NDUFA9: variants seen among roughly 807,000 people sequenced by gnomAD.
NDUFA9 encodes the protein NADH dehydrogenase [ubiquinone] 1 alpha subcomplex subunit 9, mitochondrial.
Under a neutral mutation model 45.9 loss-of-function variants are expected in NDUFA9, and 23 were observed. That is an observed-to-expected ratio of 0.50 (90% CI 0.36 to 0.71). The LOEUF (loss-of-function observed/expected upper bound fraction) is 0.71, where lower values mean the gene tolerates loss of function less well. Among genes scored for constraint, NDUFA9 ranks in the 30% least tolerant of loss-of-function variants. The pLI is 0.00. For synonymous variants in NDUFA9, 176 were observed against 170.5 expected (o/e 1.03, Z -0.25); for missense variants, 466 against 488.2 (o/e 0.95, Z 0.43).
rs779730924 is a variant in NDUFA9, at chr12:4,686,977, T to C, written c.1003T>C (p.Leu335=). 6.2e-7 allele frequency: 1 copy of C among 1,614,174 alleles called. No individual in the cohort carries two copies. The highest frequency in any genetic ancestry group is 1.1e-5 in the South Asian group (1 of 91,062). The change falls in exon 11 of 11, where the codon TTA becomes CTA. Residue 335 remains leucine (L), a synonymous_variant. Coordinates refer to ENST00000266544, the MANE Select transcript of NDUFA9 (RefSeq NM_005002.5). ...TDMKLPHLPG[L]EDLGIQATPL... ...CATGAAATTGCCTCACCTGCCTGGC[T>C]TAGAAGACCTTGGTATTCAGGCAAC...
At chr12:4,653,321 C>G (rs1945770238) in intron 1 of NDUFA9, among the ~76,000 whole-genome samples, 1 of 152,200 alleles carries the variant, frequency 6.6e-6, no homozygotes, top group South Asian at 2.1e-4. Flanking sequence ...TCTGGAGGAA[C>G]ACAGGGATAA....
In NDUFA9 at chr12:4,687,074, A is replaced by G. The variant is rs143250080; in HGVS notation, c.1100A>G (p.Glu367Gly). The change falls in exon 11 of 11, where the codon GAG becomes GGG. Residue 367 changes from glutamate to glycine, a missense_variant. Glu to Gly is a moderately conservative substitution (Grantham distance 98). Transcript: ENST00000266544. ...TACCGCTGGCTGTCTGCTGAAATTGAGGATGTGAAGCCGGCCAAGACCGTC... is the reference window on the plus strand; with the variant it reads ...TACCGCTGGCTGTCTGCTGAAATTGGGGATGTGAAGCCGGCCAAGACCGTC... ...RTYRWLSAEI[E>G]DVKPAKTVNI is the part of the protein sequence containing the mutation. 1 of 1,614,150 alleles carries G rather than the reference A, an allele frequency of 6.2e-7. No homozygotes were observed. Among genetic ancestry groups the G allele is most frequent in the African/African-American group, 1.3e-5 (1 of 75,026 alleles).
At chr12:4,672,905 G>A (rs1317607248) in intron 8 of NDUFA9, among the ~76,000 whole-genome samples, 3 of 152,202 alleles carry the variant, frequency 2.0e-5, no homozygotes, top group Non-Finnish European at 2.9e-5. Flanking sequence ...GCCTCCTCAA[G>A]TGGATCCCTG....
chr12:4,666,124 T>C (rs1030682411), intron 6 of NDUFA9, among the ~76,000 whole-genome samples: 13 of 152,220 alleles, frequency 8.5e-5, no homozygotes, highest in African/African-American at 3.1e-4. Context: ...TTTTGATTTA[T>C]GTTTTCCTAA....
In NDUFA9 at chr12:4,653,908, T is replaced by A. The variant is rs1392290704; in HGVS notation, c.50-384T>A. Among the ~76,000 whole-genome samples, 3 of 152,074 alleles carry A rather than the reference T, an allele frequency of 2.0e-5. No individual in the cohort carries two copies. The East Asian group carries it at 5.8e-4, about 29-fold the overall frequency. ...TCTGTCCTTTCTTTTTTTTTTCCTC[T>A]TTTAAGACCTTTCTCAAAACATTTT... On this transcript the variant is annotated intron_variant, in intron 1 of 10. Transcript: ENST00000266544.
At chr12:4,663,836 T>C (rs1478183451) in intron 6 of NDUFA9, among the ~76,000 whole-genome samples, 2 of 152,156 alleles carry the variant, frequency 1.3e-5, no homozygotes, top group Admixed American at 6.5e-5. Context: ...TAGAAGAGTT[T>C]TGAGGTACCT....
chr12:4,659,012 A>G, intron 4 of NDUFA9, 24 bp from the exon 5 acceptor site: 1 of 1,605,848 alleles, frequency 6.2e-7, no homozygotes, highest in Non-Finnish European at 8.5e-7. Flanking sequence ...TTCTTAACCA[A>G]TCCTTTTATT....
intron 6 of NDUFA9, among the ~76,000 whole-genome samples, chr12:4,665,981 A>G (rs113860065): frequency 1.3e-5 from 2 of 151,728 alleles, no homozygotes; most frequent in African/African-American, 4.8e-5. Context: ...AAATATATAT[A>G]TTTTTGTAGA....
At chr12:4,671,933 A>T (rs930340775) in intron 8 of NDUFA9, among the ~76,000 whole-genome samples, 2 of 152,232 alleles carry the variant, frequency 1.3e-5, no homozygotes, top group Admixed American at 1.3e-4. Context: ...TAAGAGTTAT[A>T]AAACAAGGAT....
chr12:4,657,754 G>T lies in NDUFA9; in HGVS notation c.325G>T (p.Asp109Tyr). The change falls in exon 4 of 11, where the codon GAC (aspartate) becomes TAC (tyrosine). Residue 109 changes from aspartate to tyrosine, a missense_variant. Asp to Tyr is a radical substitution (Grantham distance 160, BLOSUM62 -3). Coordinates refer to ENST00000266544, the MANE Select transcript of NDUFA9 (RefSeq NM_005002.5). ...DLGQLLFLEW[D>Y]ARDKDSIRRV... The stretch of plus-strand genomic sequence containing the variant: ...TTGCTTTCTGCTATTATAGGAATGG[G>T]ACGCGAGAGATAAAGATTCTATCCG... 1.9e-6 allele frequency: 3 copies of T among 1,612,156 alleles called. No individual in the cohort carries two copies. The highest frequency in any genetic ancestry group is 2.5e-6 in the Non-Finnish European group (3 of 1,178,606).
At chr12:4,663,372 T>A (rs1164053698) in intron 6 of NDUFA9, among the ~76,000 whole-genome samples, 1 of 152,188 alleles carries the variant, frequency 6.6e-6, no homozygotes, top group Non-Finnish European at 1.5e-5. Context: ...CGCCCCCTCA[T>A]AATTCGTATG....
intron 8 of NDUFA9, among the ~76,000 whole-genome samples, chr12:4,671,269 C>T (rs1211602256): frequency 1.3e-5 from 2 of 152,080 alleles, no homozygotes; most frequent in Non-Finnish European, 2.9e-5. Context: ...CAACATTACA[C>T]ACAACTGTGA....
At chr12:4,662,721 C>A in intron 6 of NDUFA9, 86 bp downstream of exon 6, 1 of 1,038,666 alleles carries the variant, frequency 9.6e-7, no homozygotes. Flanking sequence ...CTCTGATTGA[C>A]AGACTAAGGA....
At chr12:4,683,413 A>G (rs974095806) in intron 9 of NDUFA9, among the ~76,000 whole-genome samples, 2 of 152,192 alleles carry the variant, frequency 1.3e-5, no homozygotes, top group African/African-American at 4.8e-5. Context: ...TGTTTATTGA[A>G]TGCCTACTAT....
rs1054665754 is a variant in NDUFA9, at chr12:4,657,818, T to C, written c.389T>C (p.Ile130Thr). Residue 130 changes from isoleucine (I) to threonine (T), a missense_variant, in exon 4 of 11, where the codon ATT becomes ACT. Physicochemically the swap from Ile to Thr is moderately conservative, Grantham distance 89 (BLOSUM62 -1). Transcript: ENST00000266544. ...VQHSNVVINL[I>T]GRDWETKNFD... ...CACAGCAATGTGGTCATCAATCTTA[T>C]TGGACGAGACTGGGAAACCAAGTAA... 26 of 1,613,350 alleles carry C rather than the reference T, an allele frequency of 1.6e-5. No homozygotes were observed. Among genetic ancestry groups the C allele is most frequent in the South Asian group, 5.5e-5 (5 of 91,088 alleles).
At chr12:4,685,633 T>C (rs1357907296) in intron 10 of NDUFA9, among the ~76,000 whole-genome samples, 2 of 152,022 alleles carry the variant, frequency 1.3e-5, no homozygotes, top group Non-Finnish European at 2.9e-5. Flanking sequence ...TACTTTCCTG[T>C]TGTGTCCCTT....
At chr12:4,667,341 C>G (rs1441694525) in intron 6 of NDUFA9, among the ~76,000 whole-genome samples, 1 of 152,128 alleles carries the variant, frequency 6.6e-6, no homozygotes, top group South Asian at 2.1e-4. Flanking sequence ...AACATCCTAA[C>G]AATATTAAGT....
Position 4,684,808 on chromosome 12 carries a change from A to AT in NDUFA9, c.897-438dup, listed in dbSNP as rs10631547. Among the ~76,000 whole-genome samples the AT allele has an allele frequency of 3.0e-3, 440 of 145,444 alleles. 3 individuals are homozygous for AT. The highest frequency in any genetic ancestry group is 6.6e-3 in the African/African-American group (261 of 39,488). ...ATTTTAGCCTTCTCCTTGCTTTTGG[A>AT]TTTTTTTTTTTTTCCTCAAGGGCCC... On this transcript the variant is annotated intron_variant, in intron 9 of 10. Transcript: ENST00000266544.
At chr12:4,669,706 A>G (rs1425427969) in intron 7 of NDUFA9, 35 bp from the exon 8 acceptor site, 2 of 1,346,492 alleles carry the variant, frequency 1.5e-6, no homozygotes, top group Non-Finnish European at 2.1e-6. Flanking sequence ...CTCTTTTTCA[A>G]CAATTACTTA....
Sources: gnomAD v4.1 joint callset for allele counts (sites outside exome capture counted in the v4.1 genomes callset) on GRCh38, gnomAD v4.1.1 for gene constraint, MANE v1.5 for transcripts, NCBI Gene and HGNC (gene_info 2026-07-23, HGNC 2026-07-21) for gene names.